Variants in LRRC37A2 observed in about 807,000 individuals in gnomAD.
LRRC37A2 encodes the protein leucine rich repeat containing 37 member A2, also known as leucine-rich repeat-containing protein 37A2.
Under a neutral mutation model 68.8 loss-of-function variants are expected in LRRC37A2, and 9 were observed. The ratio of observed to expected loss-of-function variants is 0.13; its 90% confidence interval spans 0.08 to 0.23. LRRC37A2 has a LOEUF of 0.23. LRRC37A2 is among the 10% of genes least tolerant of loss of function. The pLI, the probability that LRRC37A2 is intolerant of heterozygous loss-of-function variation, is 1.00. For synonymous variants in LRRC37A2, 63 were observed against 367.6 expected, an observed-to-expected ratio of 0.17 and a Z score of 9.48; for missense variants, 168 against 950.4, an observed-to-expected ratio of 0.18 and a Z score of 10.82.
the LRRC37A2 span, among the ~76,000 whole-genome samples, chr17:46,944,259 T>G: frequency 6.6e-6 from 1 of 152,226 alleles, no homozygotes; most frequent in Non-Finnish European, 1.5e-5. Context: ...CTCCGCAGTT[T>G]GCACTGGTTA....
chr17:46,932,194 A>G, the LRRC37A2 span: 6 of 1,613,994 alleles, frequency 3.7e-6, no homozygotes, highest in Middle Eastern at 1.7e-4. Flanking sequence ...AACCTTCACC[A>G]CTAACGTAAG....
the LRRC37A2 span, among the ~76,000 whole-genome samples, chr17:46,722,561 G>A: frequency 6.6e-6 from 1 of 152,136 alleles, no homozygotes; most frequent in East Asian, 1.9e-4. Context: ...TTTTCCTGTG[G>A]CAGCTAACCT....
At chr17:46,851,570 C>A in the LRRC37A2 span, 1 of 870,218 alleles carries the variant, frequency 1.1e-6, no homozygotes, top group Non-Finnish European at 1.5e-6. This position sits in a 1 kb window ranked among gnomAD's most constrained non-coding sequence, Gnocchi z 4.3. Context: ...GTCCCGCGGG[C>A]GGGTGGTGGC....
At chr17:46,805,586 A>G in the LRRC37A2 span, among the ~76,000 whole-genome samples, 6 of 152,102 alleles carry the variant, frequency 3.9e-5, no homozygotes, top group Non-Finnish European at 7.3e-5. Context: ...AAAATAAATA[A>G]AAATAAAAAT....
the LRRC37A2 span, among the ~76,000 whole-genome samples, chr17:46,489,916 G>A: frequency 3.3e-5 from 5 of 151,212 alleles, no homozygotes; most frequent in African/African-American, 9.9e-5. Flanking sequence ...ACTCACTTGC[G>A]ATGTGATATG....
At chr17:46,502,839 AAGTT>A in the LRRC37A2 span, among the ~76,000 whole-genome samples, 2 of 150,900 alleles carry the variant, frequency 1.3e-5, 1 homozygote, top group Non-Finnish European at 2.9e-5. Context: ...AGCCCTTCTG[AAGTT>A]TCCTAGATGT....
the LRRC37A2 span, among the ~76,000 whole-genome samples, chr17:46,728,464 A>G: frequency 1.3e-5 from 2 of 152,030 alleles, no homozygotes; most frequent in Non-Finnish European, 2.9e-5. Context: ...AAGCTTTTTC[A>G]AAAAATTTAT....
At chr17:46,949,036 A>G in the LRRC37A2 span, 1 of 152,254 alleles carries the variant, frequency 6.6e-6, no homozygotes, top group South Asian at 2.1e-4. Context: ...GCTGTGTAAC[A>G]AATCACCACA....
the LRRC37A2 span, among the ~76,000 whole-genome samples, chr17:46,709,721 CAT>C: frequency 6.6e-6 from 1 of 152,046 alleles, no homozygotes; most frequent in Non-Finnish European, 1.5e-5. Context: ...TCTGGAACTC[CAT>C]ACCTCAGGTG....
the LRRC37A2 span, among the ~76,000 whole-genome samples, chr17:46,797,212 C>T: frequency 6.6e-6 from 1 of 152,156 alleles, no homozygotes; most frequent in African/African-American, 2.4e-5. Flanking sequence ...AAGCCTTTCT[C>T]AACAGGATTA....
chr17:46,676,000 C>T, the LRRC37A2 span, among the ~76,000 whole-genome samples: 7 of 135,818 alleles, frequency 5.2e-5, no homozygotes, highest in African/African-American at 2.1e-4. Flanking sequence ...CGGGCTGCAG[C>T]TTTTGGTTTC....
At chr17:46,922,034 G>A in the LRRC37A2 span, among the ~76,000 whole-genome samples, 1 of 152,174 alleles carries the variant, frequency 6.6e-6, no homozygotes, top group Admixed American at 6.5e-5. Context: ...ACATTTACAT[G>A]TATGTTTATT....
the LRRC37A2 span, chr17:46,931,077 T>C: frequency 1.6e-6 from 2 of 1,213,076 alleles, no homozygotes; most frequent in Admixed American, 1.7e-5. Context: ...CCAGCAATTA[T>C]TCTTTTTTCT....
chr17:46,865,699 T>C, the LRRC37A2 span, among the ~76,000 whole-genome samples: 1 of 152,164 alleles, frequency 6.6e-6, no homozygotes, highest in Non-Finnish European at 1.5e-5. Context: ...CACTGCAGCC[T>C]TGACCTCCTG....
the LRRC37A2 span, among the ~76,000 whole-genome samples, chr17:46,759,716 T>G: frequency 1.3e-5 from 2 of 152,158 alleles, no homozygotes; most frequent in Non-Finnish European, 2.9e-5. Flanking sequence ...CCATCATGTT[T>G]CCTTGCTTTT....
the LRRC37A2 span, among the ~76,000 whole-genome samples, chr17:46,951,486 CAG>C: frequency 6.6e-6 from 1 of 152,232 alleles, no homozygotes; most frequent in Non-Finnish European, 1.5e-5. Context: ...GTCAAGCTGC[CAG>C]AGAGAGCCTC....
chr17:46,548,109 G>A, intron 9 of LRRC37A2: 2 of 132,256 alleles, frequency 1.5e-5, no homozygotes, highest in South Asian at 4.8e-5. Flanking sequence ...TTCCAAGTAG[G>A]TGGCCGTGTT....
At chr17:46,766,057 G>A in the LRRC37A2 span, among the ~76,000 whole-genome samples, 1 of 152,054 alleles carries the variant, frequency 6.6e-6, no homozygotes, top group African/African-American at 2.4e-5. Flanking sequence ...ACATAAGATT[G>A]AGGAAAAAAA....
At position 46,539,460 on chromosome 17, in the gene LRRC37A2, TTA is replaced by T. The variant is rs1463102056; in HGVS notation, c.2907-713_2907-712del. Among the ~76,000 whole-genome samples, 3 of 150,456 alleles carry T rather than the reference TTA, an allele frequency of 2.0e-5. No individual in the cohort carries two copies. In the East Asian group the frequency reaches 5.8e-4, roughly 29 times the overall value. ...AATTAAACCATAAATTTTAAAAACT[TTA>T]TAAAGATAAAAGACAAGCAGCCAGC... On this transcript the variant is annotated intron_variant, in intron 6 of 14. Transcript: ENST00000576629.
Sources: gnomAD v4.1 joint callset for allele counts (sites outside exome capture counted in the v4.1 genomes callset) on GRCh38, gnomAD v4.1.1 for gene constraint, Gnocchi (gnomAD v3.1) non-coding constraint, MANE v1.5 for transcripts, NCBI Gene and HGNC (gene_info 2026-07-23, HGNC 2026-07-21) for gene names.